The following RPF1 variants were observed in gnomAD, a reference collection of about 807,000 sequenced individuals.
The protein encoded by RPF1 is ribosome production factor 1 homolog.
In RPF1, 34 loss-of-function variants were observed where a neutral mutation model predicts 41.9. The observed-to-expected ratio is 0.81, with a 90% confidence interval of 0.62 to 1.08. The LOEUF (loss-of-function observed/expected upper bound fraction) is 1.08, where lower values mean the gene tolerates loss of function less well. Among genes scored for constraint, RPF1 ranks in the 50% least tolerant of loss-of-function variants. The pLI is 0.00. For synonymous variants in RPF1, 140 were observed against 148.9 expected (o/e 0.94, Z 0.43); for missense variants, 425 against 435.2 (o/e 0.98, Z 0.21).
In RPF1 at chr1:84,479,305, C is replaced by A; in HGVS notation, c.24C>A (p.Ser8Arg). Residue 8 changes from serine to arginine, a missense_variant, in exon 1 of 9, where the codon AGC becomes AGA. Coordinates refer to ENST00000370654, the MANE Select transcript of RPF1 (RefSeq NM_025065.7). MAKAGDK[S>R]SSSGKKSLKR... ...CCATGGCGAAAGCCGGGGATAAGAG[C>A]AGCAGCAGCGGGAAGAAAAGTCTAA... is the stretch of plus-strand genomic sequence containing the variant. 12 of 1,606,806 alleles carry A rather than the reference C, an allele frequency of 7.5e-6. No homozygotes were observed. Among genetic ancestry groups the A allele is most frequent in the Non-Finnish European group, 1.0e-5 (12 of 1,176,474 alleles).
Position 84,479,513 on chromosome 1 carries a change from C to G in RPF1, c.228+4C>G, listed in dbSNP as rs1558536736. ...GTGGAAACAGCAGCAGCGGAAGGTACGCGAGAGGCGGGGGCTGCCGGGCGC... is the reference window on the plus strand; with the variant it reads ...GTGGAAACAGCAGCAGCGGAAGGTAGGCGAGAGGCGGGGGCTGCCGGGCGC... On this transcript the variant is annotated splice_donor_region_variant and intron_variant, in intron 1 of 8. Coordinates refer to ENST00000370654, the MANE Select transcript of RPF1 (RefSeq NM_025065.7). 1 of 1,613,168 alleles carries G rather than the reference C, an allele frequency of 6.2e-7. No homozygotes were observed. Among genetic ancestry groups the G allele is most frequent in the Non-Finnish European group, 8.5e-7 (1 of 1,179,296 alleles).
At position 84,489,623 on chromosome 1, in the gene RPF1, C is replaced by G; in HGVS notation, c.367-10C>G. Reference sequence around the variant, plus strand: ...TTTGATGTAAAATTATTCCTCTTCTCTGTTCTCAGGTCGCTTATGATGAAG... The same window carrying G: ...TTTGATGTAAAATTATTCCTCTTCTGTGTTCTCAGGTCGCTTATGATGAAG... On this transcript the variant is annotated splice_polypyrimidine_tract_variant and intron_variant, in intron 3 of 8. Transcript: ENST00000370654. The G allele has an allele frequency of 6.7e-7, 1 of 1,502,644 alleles. No homozygotes were observed. The allele number at this position is 1,502,644 out of a possible 1,614,324, so 93.1% of individuals were successfully genotyped here. A position where few individuals can be genotyped will look rare whatever the true frequency, so the allele number is the denominator to read the frequency against.
At chr1:84,490,517 C>T (rs778370363) in intron 5 of RPF1, 45 bp downstream of exon 5, 2 of 1,309,294 alleles carry the variant, frequency 1.5e-6, no homozygotes, top group South Asian at 1.5e-5. Flanking sequence ...CTCTCCCTCA[C>T]CCCCCTTAAA....
At position 84,489,100 on chromosome 1, in the gene RPF1, T is replaced by G. The variant is rs555097850; in HGVS notation, c.367-533T>G. On this transcript the variant is annotated intron_variant, in intron 3 of 8. Transcript: ENST00000370654. ...TTATTTTCTTCTGCTTCCTTTGAGTTTATTCTGTATTTATTGATTTGCTCA... is the reference window on the plus strand; with the variant it reads ...TTATTTTCTTCTGCTTCCTTTGAGTGTATTCTGTATTTATTGATTTGCTCA... Among the ~76,000 whole-genome samples, 18 of 152,240 alleles carry G rather than the reference T, an allele frequency of 1.2e-4. No individual in the cohort carries two copies. In the South Asian group the frequency reaches 3.1e-3, roughly 26 times the overall value.
intron 5 of RPF1, among the ~76,000 whole-genome samples, chr1:84,494,146 T>C (rs1459339530): frequency 6.6e-6 from 1 of 152,204 alleles, no homozygotes; most frequent in Admixed American, 6.5e-5. Context: ...CATTAGGAGA[T>C]GTACTTGAGA....
rs201962769 is a variant in RPF1, at chr1:84,483,027, G to T, written c.366+32G>T. On this transcript the variant is annotated intron_variant, in intron 3 of 8. Coordinates refer to ENST00000370654, the MANE Select transcript of RPF1 (RefSeq NM_025065.7). ...TTAGAAGTCTTAAATTAGTTTGAAT[G>T]ATCACATATAATTGATAAATTATAT... 1.2e-5 allele frequency: 15 copies of T among 1,282,332 alleles called. No individual in the cohort carries two copies. In the East Asian group the frequency reaches 3.5e-4, roughly 30 times the overall value. 79.4% of individuals were successfully genotyped at this position (1,282,332 alleles called of 1,614,324 possible). A position where few individuals can be genotyped will look rare whatever the true frequency, so the allele number is the denominator to read the frequency against.
intron 2 of RPF1, 61 bp from the exon 3 acceptor site, chr1:84,482,854 C>G: frequency 1.9e-6 from 2 of 1,031,660 alleles, no homozygotes; most frequent in Non-Finnish European, 3.0e-6. Context: ...TTATTTTTCT[C>G]CAACAGTAAT....
chr1:84,480,241 C>G (rs979530482), intron 1 of RPF1, among the ~76,000 whole-genome samples: 1 of 152,044 alleles, frequency 6.6e-6, no homozygotes, highest in Non-Finnish European at 1.5e-5. Context: ...ATACAAGGGG[C>G]GTTTAACTCA....
intron 6 of RPF1, 147 bp downstream of exon 6, chr1:84,495,602 G>C (rs1681919961): frequency 5.2e-6 from 3 of 575,998 alleles, no homozygotes; most frequent in Non-Finnish European, 9.0e-6. Context: ...CAATTCTCTT[G>C]GGAGACTGTG....
rs532703885 is a variant in RPF1 at position 84,481,007 on chromosome 1, G to C, written c.280G>C (p.Asp94His). The change falls in exon 2 of 9, where the codon GAT (aspartate) becomes CAT (histidine). Residue 94 changes from aspartate to histidine, a missense_variant. Asp to His is a moderately conservative substitution (Grantham distance 81). Transcript: ENST00000370654. Reference protein sequence around the residue: ...KLKKEREALGDKAPPKPVPKT... With the variant: ...KLKKEREALGHKAPPKPVPKT... ...TAAAAAAGAAAGAGAGGCTCTTGGC[G>C]ATAAGGTAAATAAAATTTTTAGCTG... 4 of 1,581,410 alleles carry C rather than the reference G, an allele frequency of 2.5e-6. No homozygotes were observed. In the South Asian group the frequency reaches 4.6e-5, roughly 18 times the overall value.
chr1:84,494,616 A>G (rs1466468242), intron 5 of RPF1, among the ~76,000 whole-genome samples: 2 of 152,206 alleles, frequency 1.3e-5, no homozygotes, highest in Non-Finnish European at 2.9e-5. Flanking sequence ...TTGTGCCACA[A>G]ACTTGAAGAA....
At position 84,490,327 on chromosome 1, in the gene RPF1, A is replaced by G; in HGVS notation, c.471A>G (p.Val157=). 6.3e-7 allele frequency: 1 copy of G among 1,587,882 alleles called. No homozygotes were observed. Among genetic ancestry groups the G allele is most frequent in the Non-Finnish European group, 8.5e-7 (1 of 1,171,612 alleles). Reference sequence around the variant, plus strand: ...GTTATTTTGTTTTGCAGAGAACAGTACGACTCTGTGAACAGCTCTCCACAG... The same window carrying G: ...GTTATTTTGTTTTGCAGAGAACAGTGCGACTCTGTGAACAGCTCTCCACAG... The part of the protein sequence containing the change: ...TTSDRPHGRT[V]RLCEQLSTVI... The change falls in exon 5 of 9, where the codon GTA becomes GTG. Residue 157 remains valine (V), a synonymous_variant. Transcript: ENST00000370654.
Position 84,497,356 on chromosome 1 carries a change from A to G in RPF1, c.1009-73A>G. 3.9e-6 allele frequency: 5 copies of G among 1,296,474 alleles called. No homozygotes were observed. In the South Asian group the frequency reaches 6.4e-5, roughly 17 times the overall value. 80.3% of individuals were successfully genotyped at this position (1,296,474 alleles called of 1,614,324 possible). A position where few individuals can be genotyped will look rare whatever the true frequency, so the allele number is the denominator to read the frequency against. On this transcript the variant is annotated intron_variant, in intron 8 of 8. Coordinates refer to ENST00000370654, the MANE Select transcript of RPF1 (RefSeq NM_025065.7). Reference sequence around the variant, plus strand: ...TGAAGATCTAGGGACGTTAACTTTTACTGTCTTACCTGAATTGTTAATTAT... The same window carrying G: ...TGAAGATCTAGGGACGTTAACTTTTGCTGTCTTACCTGAATTGTTAATTAT...
At chr1:84,496,566 T>TAAAA (rs34913814) in intron 8 of RPF1, among the ~76,000 whole-genome samples, 196 bp downstream of exon 8, 1 of 131,876 alleles carries the variant, frequency 7.6e-6, no homozygotes. Flanking sequence ...ACCCTTGAAC[T>TAAAA]AAAAAAAAAA....
intron 8 of RPF1, among the ~76,000 whole-genome samples, chr1:84,496,908 G>A (rs576247904): frequency 6.6e-6 from 1 of 152,108 alleles, no homozygotes; most frequent in East Asian, 1.9e-4. Flanking sequence ...TCTCAGCTTT[G>A]TTGCCCAGGC....
In RPF1 at chr1:84,490,387, A is replaced by C; in HGVS notation, c.531A>C (p.Gly177=). 6.2e-7 allele frequency: 1 copy of C among 1,612,316 alleles called. No homozygotes were observed. ...IPNSHVYYRR[G]LALKKIIPQC... ...ACTCACATGTTTATTACAGAAGAGGACTGGCTCTGAAAAAAATTATTCCAC... is the reference window on the plus strand; with the variant it reads ...ACTCACATGTTTATTACAGAAGAGGCCTGGCTCTGAAAAAAATTATTCCAC... The change falls in exon 5 of 9, where the codon GGA becomes GGC. Residue 177 remains glycine (G), a synonymous_variant. Coordinates refer to ENST00000370654, the MANE Select transcript of RPF1 (RefSeq NM_025065.7).
chr1:84,488,603 A>T (rs1328593354), intron 3 of RPF1, among the ~76,000 whole-genome samples: 2 of 152,130 alleles, frequency 1.3e-5, no homozygotes, highest in East Asian at 3.9e-4. Context: ...AAATAGAAAA[A>T]TCAACAGTGC....
intron 4 of RPF1, 94 bp from the exon 5 acceptor site, chr1:84,490,225 A>T (rs1055675090): frequency 7.6e-6 from 6 of 791,200 alleles, no homozygotes; most frequent in Non-Finnish European, 1.1e-5. Context: ...ATTAATCATA[A>T]TAATTATTAT....
intron 5 of RPF1, 58 bp from the exon 6 acceptor site, chr1:84,495,315 T>C (rs1245488634): frequency 3.6e-6 from 3 of 835,796 alleles, no homozygotes; most frequent in Non-Finnish European, 5.9e-6. Flanking sequence ...ACCAGTTATT[T>C]AAACAATTAG....
Sources: gnomAD v4.1 joint callset for allele counts (sites outside exome capture counted in the v4.1 genomes callset) on GRCh38, gnomAD v4.1.1 for gene constraint, MANE v1.5 for transcripts, NCBI Gene and HGNC (gene_info 2026-07-23, HGNC 2026-07-21) for gene names.